The following CHEK2 variants were observed in gnomAD, a reference collection of about 807,000 sequenced individuals.
CHEK2 encodes the protein checkpoint kinase 2.
In CHEK2, 71 loss-of-function variants were observed where a neutral mutation model predicts 69.1. That is an observed-to-expected ratio of 1.03 (90% CI 0.85 to 1.25). The LOEUF (loss-of-function observed/expected upper bound fraction) is 1.25, where lower values mean the gene tolerates loss of function less well. CHEK2 is among the 50% of genes most tolerant of loss of function. CHEK2 has a pLI of 0.00. For synonymous variants in CHEK2, 189 were observed against 226.9 expected (o/e 0.83, Z 1.50); for missense variants, 664 against 649.6 (o/e 1.02, Z -0.24).
At chr22:28,730,441 G>A (rs543835998) in intron 2 of CHEK2, 2 of 686,944 alleles carry the variant, frequency 2.9e-6, no homozygotes, top group South Asian at 3.0e-5. Context: ...ACTGGCCGGG[G>A]ATGGTGCCTC....
At chr22:28,727,593 T>C (rs187898094) in intron 2 of CHEK2, among the ~76,000 whole-genome samples, 5 of 152,220 alleles carry the variant, frequency 3.3e-5, no homozygotes, top group Admixed American at 2.0e-4. Flanking sequence ...CTAGGGAAAA[T>C]ACTAGCAACT....
At position 28,699,893 on chromosome 22, in the gene CHEK2, C is replaced by T. The variant is rs143611747; in HGVS notation, c.953G>A (p.Arg318His). 4.5e-5 allele frequency: 73 copies of T among 1,613,934 alleles called. No individual in the cohort carries two copies. Among genetic ancestry groups the T allele is most frequent in the Admixed American group, 1.2e-4 (7 of 59,966 alleles). Reference sequence around the variant, plus strand: ...GAGCTTGCAGGTAGCTTCTTTCAGGCGTTTATTCCCCACCACTTTGTCAAA... The same window carrying T: ...GAGCTTGCAGGTAGCTTCTTTCAGGTGTTTATTCCCCACCACTTTGTCAAA... ...ELFDKVVGNKRLKEATCKLYF... is the reference protein window; with the variant it reads ...ELFDKVVGNKHLKEATCKLYF... The change falls in exon 9 of 15, where the codon CGC becomes CAC. Residue 318 changes from arginine to histidine, a missense_variant. Physicochemically the swap from Arg to His is conservative, Grantham distance 29. Coordinates refer to ENST00000404276, the MANE Select transcript of CHEK2 (RefSeq NM_007194.4).
chr22:28,717,837 C>T (rs991313903), intron 5 of CHEK2, among the ~76,000 whole-genome samples: 1 of 152,158 alleles, frequency 6.6e-6, no homozygotes, highest in African/African-American at 2.4e-5. Flanking sequence ...TGAGACCACA[C>T]CATTGCACAC....
chr22:28,721,281 G>GTTTTTTTTTTTTTTTTTTTTTTTAGT (rs755378917), intron 4 of CHEK2, among the ~76,000 whole-genome samples: 1 of 109,948 alleles, frequency 9.1e-6, no homozygotes, highest in African/African-American at 3.5e-5. Flanking sequence ...GTTTGTTTGG[G>GTTTTTTTTTTTTTTTTTTTTTTTAGT]TTTTTTTTTT....
intron 5 of CHEK2, among the ~76,000 whole-genome samples, chr22:28,713,362 CTTTT>C: frequency 7.1e-6 from 1 of 140,784 alleles, no homozygotes. Flanking sequence ...TACAAGTTTT[CTTTT>C]TTTTTTTTTT....
At chr22:28,722,332 A>G (rs561588412) in intron 4 of CHEK2, among the ~76,000 whole-genome samples, 43 of 151,896 alleles carry the variant, frequency 2.8e-4, no homozygotes, top group Admixed American at 2.3e-3. Context: ...CGAGGTCAGG[A>G]GATGGAGACC....
chr22:28,714,442 C>T (rs990447408), intron 5 of CHEK2, among the ~76,000 whole-genome samples: 17 of 152,144 alleles, frequency 1.1e-4, no homozygotes, highest in African/African-American at 3.9e-4. Context: ...CTCTGTCGCC[C>T]AGGCTGCAGT....
chr22:28,737,614 C>T (rs1449846847), intron 1 of CHEK2, among the ~76,000 whole-genome samples: 6 of 151,720 alleles, frequency 4.0e-5, no homozygotes, highest in African/African-American at 1.5e-4. Flanking sequence ...GGATTACAGG[C>T]GCACACCACC....
At position 28,711,759 on chromosome 22, in the gene CHEK2, C is replaced by T. The variant is rs1407503200; in HGVS notation, c.792+150G>A. 6 of 652,086 alleles carry T rather than the reference C, an allele frequency of 9.2e-6. No individual in the cohort carries two copies. In the African/African-American group the frequency reaches 1.1e-4, roughly 12 times the overall value. The allele number at this position is 652,086 out of a possible 1,614,324, so 40.4% of individuals were successfully genotyped here. On this transcript the variant is annotated intron_variant, in intron 6 of 14. Coordinates refer to ENST00000404276, the MANE Select transcript of CHEK2 (RefSeq NM_007194.4). ...AAGTTTCTAGATTAATCAAAGATGC[C>T]CCAAAATTTTCCATGTTCTTTGATA...
At chr22:28,730,436 C>T (rs1434227974) in intron 2 of CHEK2, 1 of 683,950 alleles carries the variant, frequency 1.5e-6, no homozygotes, top group Non-Finnish European at 2.7e-6. Flanking sequence ...TGCAAACTGG[C>T]CGGGGATGGT....
At chr22:28,701,244 TTA>T (rs2052833559) in intron 8 of CHEK2, among the ~76,000 whole-genome samples, 2 of 151,862 alleles carry the variant, frequency 1.3e-5, no homozygotes, top group African/African-American at 4.8e-5. Flanking sequence ...TTCTTTTTTC[TTA>T]TGTTTTTTGA....
At chr22:28,691,308 C>T (rs978656795) in intron 13 of CHEK2, among the ~76,000 whole-genome samples, 1 of 152,024 alleles carries the variant, frequency 6.6e-6, no homozygotes, top group Admixed American at 6.5e-5. Context: ...GGTGAAACCC[C>T]ATCTCTACTA....
intron 11 of CHEK2, among the ~76,000 whole-genome samples, chr22:28,695,493 C>T (rs1411883739): frequency 6.6e-6 from 1 of 152,000 alleles, no homozygotes; most frequent in Non-Finnish European, 1.5e-5. Context: ...CCCATCACTA[C>T]AAAAAATAGA....
At chr22:28,703,294 G>A (rs2052960626) in intron 8 of CHEK2, among the ~76,000 whole-genome samples, 1 of 152,086 alleles carries the variant, frequency 6.6e-6, no homozygotes, top group African/African-American at 2.4e-5. Context: ...ATAGATCCAG[G>A]ACCTGGAATC....
At chr22:28,701,079 G>A (rs755160868) in intron 8 of CHEK2, among the ~76,000 whole-genome samples, 3 of 151,322 alleles carry the variant, frequency 2.0e-5, no homozygotes, top group South Asian at 2.1e-4. Flanking sequence ...GTGAGCCACC[G>A]TGCCCGGCTC....
intron 2 of CHEK2, among the ~76,000 whole-genome samples, chr22:28,726,547 AATT>A (rs1163359382): frequency 6.9e-6 from 1 of 145,880 alleles, no homozygotes; most frequent in Non-Finnish European, 1.5e-5. Flanking sequence ...ATAATATAGT[AATT>A]ATATCTAAAT....
chr22:28,715,244 G>T (rs2053548847), intron 5 of CHEK2, among the ~76,000 whole-genome samples: 1 of 152,084 alleles, frequency 6.6e-6, no homozygotes, highest in South Asian at 2.1e-4. Context: ...ACAAACAGCT[G>T]AATCAAGAGA....
chr22:28,706,671 C>A (rs975394051), intron 7 of CHEK2, among the ~76,000 whole-genome samples: 2 of 152,178 alleles, frequency 1.3e-5, no homozygotes, highest in Admixed American at 1.3e-4. Flanking sequence ...GTAATCCCAG[C>A]ACTTTGGGAG....
At chr22:28,710,240 A>G (rs1466702537) in intron 6 of CHEK2, among the ~76,000 whole-genome samples, 181 bp from the exon 7 acceptor site, 1 of 152,192 alleles carries the variant, frequency 6.6e-6, no homozygotes, top group Non-Finnish European at 1.5e-5. Context: ...ACTTTGTAAA[A>G]TGCTTGGCAA....
Sources: gnomAD v4.1 joint callset for allele counts (sites outside exome capture counted in the v4.1 genomes callset) on GRCh38, gnomAD v4.1.1 for gene constraint, MANE v1.5 for transcripts, NCBI Gene and HGNC (gene_info 2026-07-23, HGNC 2026-07-21) for gene names.